Variants in SPAST observed in about 807,000 individuals in gnomAD.
The protein encoded by SPAST is spastic paraplegia 4 (autosomal dominant; spastin).
Under a neutral mutation model 76.6 loss-of-function variants are expected in SPAST, and 30 were observed. The observed-to-expected ratio is 0.39, with a 90% CI of 0.29 to 0.53. The LOEUF is 0.53. Among genes scored for constraint, SPAST ranks in the 20% least tolerant of loss-of-function variants. The pLI is 0.68. For missense variants in SPAST, 717 were observed against 770.5 expected (o/e 0.93, Z 0.82); for synonymous variants, 305 against 281.0 (o/e 1.09, Z -0.86).
At chr2:32,105,533 C>T (rs545385354) in intron 4 of SPAST, among the ~76,000 whole-genome samples, 8 of 152,248 alleles carry the variant, frequency 5.3e-5, no homozygotes, top group East Asian at 1.9e-4. Flanking sequence ...GGAGAAGAGG[C>T]GCTCTGAATT....
intron 3 of SPAST, among the ~76,000 whole-genome samples, chr2:32,095,697 C>A (rs992572436): frequency 4.6e-5 from 7 of 151,992 alleles, no homozygotes; most frequent in African/African-American, 1.7e-4. Flanking sequence ...CATGAGTACA[C>A]CACTGCACTC....
At chr2:32,073,765 T>C (rs1285154717) in intron 1 of SPAST, among the ~76,000 whole-genome samples, 1 of 152,192 alleles carries the variant, frequency 6.6e-6, no homozygotes, top group Non-Finnish European at 1.5e-5. Context: ...TAAAACATCT[T>C]TGAACACTGT....
At chr2:32,094,932 G>T (rs1677862940) in intron 3 of SPAST, among the ~76,000 whole-genome samples, 1 of 152,224 alleles carries the variant, frequency 6.6e-6, no homozygotes, top group Admixed American at 6.5e-5. Context: ...TTGCGCCACT[G>T]CCCTCCAGCC....
At chr2:32,085,880 A>G (rs1012066630) in intron 1 of SPAST, among the ~76,000 whole-genome samples, 2 of 151,962 alleles carry the variant, frequency 1.3e-5, no homozygotes, top group African/African-American at 2.4e-5. Context: ...CGTCTCTACT[A>G]AAAATACAAA....
intron 4 of SPAST, among the ~76,000 whole-genome samples, chr2:32,101,689 G>A (rs566182135): frequency 2.4e-4 from 37 of 152,178 alleles, no homozygotes; most frequent in African/African-American, 7.7e-4. Flanking sequence ...AGCTTTGTAC[G>A]TTTGGCTAGC....
At chr2:32,083,776 A>ATTTTTTTTTT (rs1178658126) in intron 1 of SPAST, among the ~76,000 whole-genome samples, 3 of 46,088 alleles carry the variant, frequency 6.5e-5, no homozygotes, top group African/African-American at 8.9e-5. Context: ...ATATATATAT[A>ATTTTTTTTTT]TTTTTTTTTT....
chr2:32,102,575 T>C (rs1182951226), intron 4 of SPAST, among the ~76,000 whole-genome samples: 1 of 152,246 alleles, frequency 6.6e-6, no homozygotes, highest in Non-Finnish European at 1.5e-5. Context: ...CTTCCAGTTT[T>C]TGCCCATTCA....
At chr2:32,074,172 G>A (rs906282819) in intron 1 of SPAST, among the ~76,000 whole-genome samples, 1 of 152,182 alleles carries the variant, frequency 6.6e-6, no homozygotes, top group Non-Finnish European at 1.5e-5. Flanking sequence ...ATGCTACCAG[G>A]AGCTGCGAAT....
chr2:32,147,393 G>A, intron 16 of SPAST, 135 bp downstream of exon 16: 1 of 566,974 alleles, frequency 1.8e-6, no homozygotes, highest in Non-Finnish European at 3.0e-6. Flanking sequence ...CATGATATCG[G>A]CTCACTGCAA....
In SPAST at chr2:32,083,968, G is replaced by A. The variant is rs183826340; in HGVS notation, c.416-3524G>A. Among the ~76,000 whole-genome samples, 337 of 148,620 alleles carry A rather than the reference G, an allele frequency of 2.3e-3. 1 individual carries two copies. The highest frequency in any genetic ancestry group is 7.8e-3 in the African/African-American group (316 of 40,416). On this transcript the variant is annotated intron_variant, in intron 1 of 16. Transcript: ENST00000315285. ...TAATTTTTGTATTTTTAGTAGAGGT[G>A]GAGTTTCGCCATGTTGTCCAGGCTG...
chr2:32,074,834 T>C (rs1324147884), intron 1 of SPAST, among the ~76,000 whole-genome samples: 1 of 152,142 alleles, frequency 6.6e-6, no homozygotes, highest in South Asian at 2.1e-4. Flanking sequence ...GGTCAACTTT[T>C]ACCCTTTTCG....
intron 1 of SPAST, among the ~76,000 whole-genome samples, chr2:32,064,990 G>A (rs1573029733): frequency 6.6e-6 from 1 of 151,906 alleles, no homozygotes; most frequent in South Asian, 2.1e-4. Flanking sequence ...TGAAAGCAAG[G>A]ATACTACATC....
chr2:32,128,351 A>G (rs1679261866), intron 8 of SPAST, 57 bp from the exon 9 acceptor site: 1 of 1,212,372 alleles, frequency 8.2e-7, no homozygotes, highest in Non-Finnish European at 1.2e-6. Flanking sequence ...AAATATGGTT[A>G]TCTTTTAAAT....
chr2:32,109,475 G>A lies in SPAST; in HGVS notation c.683-5163G>A, dbSNP rs188729029. Among the ~76,000 whole-genome samples, 9 of 151,900 alleles carry A rather than the reference G, an allele frequency of 5.9e-5. No homozygotes were observed. In the South Asian group the frequency reaches 1.5e-3, roughly 25 times the overall value. On this transcript the variant is annotated intron_variant, in intron 4 of 16. Coordinates refer to ENST00000315285, the MANE Select transcript of SPAST (RefSeq NM_014946.4). ...TCCCCTTCTGTTTCTTTCCTCTCAC[G>A]TAGCAACCTTCACCCCTAGTTTGGT...
intron 4 of SPAST, among the ~76,000 whole-genome samples, chr2:32,110,649 A>G (rs952215389): frequency 2.2e-5 from 3 of 139,066 alleles, no homozygotes; most frequent in Non-Finnish European, 4.6e-5. Context: ...TATATAGTAT[A>G]TATAGTATAG....
chr2:32,114,505 C>A, intron 4 of SPAST, 133 bp from the exon 5 acceptor site: 1 of 723,038 alleles, frequency 1.4e-6, no homozygotes, highest in South Asian at 1.7e-5. Context: ...GGTACATGTT[C>A]TCATTGAAAT....
chr2:32,150,636 C>T (rs1228047030), intron 16 of SPAST, among the ~76,000 whole-genome samples: 1 of 151,822 alleles, frequency 6.6e-6, no homozygotes, highest in Non-Finnish European at 1.5e-5. Flanking sequence ...TGGGGTCTCA[C>T]TATGTTGCCT....
intron 8 of SPAST, 74 bp from the exon 9 acceptor site, chr2:32,128,334 A>C: frequency 1.8e-6 from 2 of 1,106,460 alleles, no homozygotes; most frequent in Middle Eastern, 2.4e-4. Flanking sequence ...CTAGTACTTA[A>C]ATCGGTAAAT....
In SPAST at chr2:32,086,888, T is replaced by TCTA. The variant is rs1391424865; in HGVS notation, c.416-602_416-600dup. ...ATAACGATCACTTTACAGAAGTTAT[T>TCTA]CTACATACTTTTTGATTATGCTGAG... On this transcript the variant is annotated intron_variant, in intron 1 of 16. Coordinates refer to ENST00000315285, the MANE Select transcript of SPAST (RefSeq NM_014946.4). 2.0e-5 allele frequency among the ~76,000 whole-genome samples: 3 copies of TCTA among 152,362 alleles called. No individual in the cohort carries two copies. The East Asian group carries it at 5.8e-4, about 29-fold the overall frequency.
Sources: allele counts gnomAD v4.1 joint callset (sites outside exome capture counted in the v4.1 genomes callset), GRCh38; gene constraint gnomAD v4.1.1; transcripts MANE v1.5; gene names NCBI Gene and HGNC (gene_info 2026-07-23, HGNC 2026-07-21).